The following KRT26 variants were observed in gnomAD, a reference collection of about 807,000 sequenced individuals.
The protein encoded by KRT26 is keratin 26.
In KRT26, 45 loss-of-function variants were observed where a neutral mutation model predicts 46.1. That is an observed-to-expected ratio of 0.98 (90% CI 0.77 to 1.25). The LOEUF (loss-of-function observed/expected upper bound fraction) is 1.25, where lower values mean the gene tolerates loss of function less well. Ranked by LOEUF, KRT26 falls within the 50% of genes most tolerant of loss-of-function variation. The pLI, the probability that KRT26 is intolerant of heterozygous loss-of-function variation, is 0.00. For missense variants in KRT26, 582 were observed against 560.1 expected (o/e 1.04, Z -0.39); for synonymous variants, 191 against 209.9 (o/e 0.91, Z 0.78).
intron 6 of KRT26, 72 bp downstream of exon 6, chr17:40,768,807 T>C (rs994583235): frequency 7.9e-6 from 6 of 755,324 alleles, no homozygotes; most frequent in East Asian, 2.7e-5. Flanking sequence ...GGATGCAATA[T>C]TGGCATACCT....
At chr17:40,771,531 A>C (rs2038221072) in intron 1 of KRT26, 142 bp downstream of exon 1, 4 of 701,108 alleles carry the variant, frequency 5.7e-6, no homozygotes, top group Non-Finnish European at 7.0e-6. Flanking sequence ...TTTTATTGCC[A>C]GGTACTGTGC....
intron 3 of KRT26, 25 bp downstream of exon 3, chr17:40,770,228 G>A (rs2038210722): frequency 1.9e-6 from 3 of 1,614,066 alleles, no homozygotes; most frequent in Non-Finnish European, 2.5e-6. Flanking sequence ...GAAACTGTAT[G>A]AAGCCACTCT....
In KRT26 at chr17:40,769,872, G is replaced by C. The variant is rs188607342; in HGVS notation, c.851C>G (p.Thr284Arg). Residue 284 changes from threonine (T) to arginine (R), a missense_variant, in exon 5 of 8, where the codon ACG (threonine) becomes AGG (arginine). Physicochemically the swap from Thr to Arg is moderately conservative, Grantham distance 71. Coordinates refer to ENST00000335552, the Ensembl canonical transcript of KRT26. ...ATGATCGGAAATCTGTTGTTGCAGC[G>C]TTGCACTCTGAAGTGTAATTGTCGA... 6.2e-7 allele frequency: 1 copy of C among 1,614,108 alleles called. No homozygotes were observed. Among genetic ancestry groups the C allele is most frequent in the South Asian group, 1.1e-5 (1 of 91,078 alleles).
rs75274396 is a variant in KRT26 at position 40,766,478 on chromosome 17, C to T, written c.*37G>A. The stretch of plus-strand genomic sequence containing the variant: ...TTTCTTTCTTTCTTTCTCTCTCTCT[C>T]TCTTTCTTTCTTTCTTTCCAAATAA... On this transcript the variant is annotated 3_prime_UTR_variant, in exon 8 of 8. Transcript: ENST00000335552. 2.3e-3 allele frequency: 3,309 copies of T among 1,424,380 alleles called. 61 individuals carry two copies. In the African/African-American group the frequency reaches 0.042, roughly 18 times the overall value. 88.2% of individuals were successfully genotyped at this position (1,424,380 alleles called of 1,614,324 possible).
At chr17:40,770,117 C>A in exon 4 of KRT26, 1 of 1,614,170 alleles carries the variant, frequency 6.2e-7, no homozygotes, top group African/African-American at 1.3e-5. Context: ...GCAAGACTTC[C>A]ATTTCCTAGA....
exon 2 of KRT26, chr17:40,771,168 A>G: frequency 1.3e-6 from 2 of 1,597,510 alleles, no homozygotes; most frequent in Non-Finnish European, 1.7e-6. Flanking sequence ...GCCTGAAGTC[A>G]TCAGCGGTCA....
At chr17:40,771,817 G>A (rs1158699452) in exon 1 of KRT26, 9 of 1,614,180 alleles carry the variant, frequency 5.6e-6, no homozygotes, top group Non-Finnish European at 7.6e-6. Flanking sequence ...CATGCACATG[G>A]TCCAGGTAGG....
At chr17:40,771,937 G>C (rs751899879) in exon 1 of KRT26, 2 of 1,614,030 alleles carry the variant, frequency 1.2e-6, no homozygotes, top group South Asian at 2.2e-5. Flanking sequence ...ACCCTCCACC[G>C]CTATTGCAGA....
Position 40,771,763 on chromosome 17 carries a change from GC to G in KRT26, c.350del (p.Gly117AlafsTer25). 1 of 1,614,164 alleles carries G rather than the reference GC, an allele frequency of 6.2e-7. No individual in the cohort carries two copies. The highest frequency in any genetic ancestry group is 8.5e-7 in the Non-Finnish European group (1 of 1,180,024). ...AGCCAGGCTCACATTTCTCGTACCA[GC>G]CCTTGATCTTCTGCTCCAGGTCTGC... On this transcript the variant is annotated frameshift_variant, in exon 1 of 8. Coordinates refer to ENST00000335552, the Ensembl canonical transcript of KRT26. LOFTEE classifies it high-confidence loss of function.
exon 4 of KRT26, chr17:40,770,079 A>C: frequency 6.2e-7 from 1 of 1,614,048 alleles, no homozygotes; most frequent in Non-Finnish European, 8.5e-7. Flanking sequence ...ATTCATCTCC[A>C]CGTTCACGTT....
At chr17:40,770,493 G>C (rs1597799118) in intron 2 of KRT26, 84 bp from the exon 3 acceptor site, 1 of 1,113,294 alleles carries the variant, frequency 9.0e-7, no homozygotes, top group East Asian at 2.4e-5. Context: ...TATGCTGAAA[G>C]ATATGATGTT....
intron 2 of KRT26, 99 bp downstream of exon 2, chr17:40,771,055 G>A (rs2038217594): frequency 2.0e-5 from 13 of 634,166 alleles, no homozygotes; most frequent in Admixed American, 9.5e-5. Flanking sequence ...TCTGGCTTTA[G>A]AAAAACATTT....
At chr17:40,772,178 A>C (rs189976028), upstream of KRT26, 1 of 1,314,906 alleles carries the variant, frequency 7.6e-7, no homozygotes, top group Non-Finnish European at 1.1e-6. Flanking sequence ...CACCTTCCAC[A>C]CTTGTTAGCT....
exon 6 of KRT26, chr17:40,768,943 C>G (rs2038193773): frequency 6.2e-7 from 1 of 1,605,034 alleles, no homozygotes; most frequent in African/African-American, 1.3e-5. Context: ...ATTTTTACAT[C>G]AAGAAGCTGT....
chr17:40,769,292 G>A (rs1193883327), intron 5 of KRT26, among the ~76,000 whole-genome samples, 196 bp from the exon 6 acceptor site: 1 of 152,070 alleles, frequency 6.6e-6, no homozygotes, highest in African/African-American at 2.4e-5. Context: ...GAGTATGTGG[G>A]ATTACAGGTA....
rs751591925 is a variant in KRT26, at chr17:40,769,029, T to C, written c.1037A>G (p.Gln346Arg). Residue 346 changes from glutamine to arginine, a missense_variant, in exon 6 of 8, where the codon CAG (glutamine) becomes CGG (arginine). Physicochemically the swap from Gln to Arg is conservative, Grantham distance 43. Coordinates refer to ENST00000335552, the Ensembl canonical transcript of KRT26. ...TTCCTCCATCACCCCTATCTGATCCTGAATTTGCTGGAGTTGATTGCAGTA... is the reference window on the plus strand; with the variant it reads ...TTCCTCCATCACCCCTATCTGATCCCGAATTTGCTGGAGTTGATTGCAGTA... 2.1e-5 allele frequency: 34 copies of C among 1,613,984 alleles called. 1 individual carries two copies. The Admixed American group carries it at 5.3e-4, about 25-fold the overall frequency.
chr17:40,770,337 T>G (rs1405429598), exon 3 of KRT26: 1 of 1,614,126 alleles, frequency 6.2e-7, no homozygotes, highest in African/African-American at 1.3e-5. Flanking sequence ...AAAGGGTCAG[T>G]TCATCCAACA....
At chr17:40,769,764 A>G in exon 5 of KRT26, 1 of 1,614,202 alleles carries the variant, frequency 6.2e-7, no homozygotes, top group Non-Finnish European at 8.5e-7. Flanking sequence ...CACAGCCATG[A>G]GGGACTGAAG....
rs926527761 is a variant in KRT26, at chr17:40,771,292, G to T, written c.442-56C>A. Reference sequence around the variant, plus strand: ...TTACCAAAAGTCAAAGGAGGCTCCAGACTTCAGTGTGATTTTATATCTTCT... The same window carrying T: ...TTACCAAAAGTCAAAGGAGGCTCCATACTTCAGTGTGATTTTATATCTTCT... On this transcript the variant is annotated intron_variant, in intron 1 of 7. Coordinates refer to ENST00000335552, the Ensembl canonical transcript of KRT26. The T allele has an allele frequency of 7.8e-6, 7 of 895,050 alleles. No homozygotes were observed. In the African/African-American group the frequency reaches 1.2e-4, roughly 15 times the overall value. 55.4% of individuals were successfully genotyped at this position (895,050 alleles called of 1,614,324 possible).
Sources: allele counts gnomAD v4.1 joint callset (sites outside exome capture counted in the v4.1 genomes callset), GRCh38; gene constraint gnomAD v4.1.1; transcripts MANE v1.5; gene names NCBI Gene and HGNC (gene_info 2026-07-23, HGNC 2026-07-21).